TNS1: variants seen among roughly 807,000 people sequenced by gnomAD.
The protein encoded by TNS1 is tensin-1.
A neutral mutation model predicts 168.6 loss-of-function variants in TNS1; 62 were observed. That is an observed-to-expected ratio of 0.37 (90% CI 0.30 to 0.45). TNS1 has a LOEUF of 0.45. Ranked by LOEUF, TNS1 falls within the 20% of genes least tolerant of loss-of-function variation. The probability of loss-of-function intolerance (pLI) is 1.00; values close to 1 mark genes in which losing one functional copy is unlikely to be tolerated. For synonymous variants in TNS1, 934 were observed against 933.2 expected (o/e 1.00, Z -0.02); for missense variants, 2,240 against 2,339.4 (o/e 0.96, Z 0.88).
chr2:217,956,613 G>A (rs1452466865), intron 3 of TNS1, among the ~76,000 whole-genome samples: 1 of 152,002 alleles, frequency 6.6e-6, no homozygotes, highest in African/African-American at 2.4e-5. Flanking sequence ...AATGTTCTAG[G>A]GCTGCAGTTC....
intron 1 of TNS1, among the ~76,000 whole-genome samples, chr2:218,031,286 AGT>A (rs1315760220): frequency 5.0e-5 from 3 of 59,640 alleles, no homozygotes; most frequent in East Asian, 5.3e-4. Context: ...AGCGTGTATG[AGT>A]GTGTGAGTGT....
intron 32 of TNS1, among the ~76,000 whole-genome samples, chr2:217,807,535 G>A (rs1005514584): frequency 1.3e-5 from 2 of 152,108 alleles, no homozygotes; most frequent in African/African-American, 4.8e-5. Context: ...CTGAGGGCAG[G>A]GTCAGAGACC....
intron 6 of TNS1, chr2:217,905,228 C>T (rs1953512458): frequency 2.9e-5 from 8 of 278,800 alleles, no homozygotes; most frequent in South Asian, 2.4e-4. Flanking sequence ...GTCCCAGAAA[C>T]ATCACAAAGC....
At chr2:217,865,516 C>T (rs1190047610) in intron 18 of TNS1, among the ~76,000 whole-genome samples, 2 of 152,186 alleles carry the variant, frequency 1.3e-5, no homozygotes, top group East Asian at 1.9e-4. Flanking sequence ...ATCTCACTGC[C>T]CCTGGAGAAG....
intron 3 of TNS1, among the ~76,000 whole-genome samples, chr2:217,930,765 G>A (rs2125902115): frequency 6.6e-6 from 1 of 152,332 alleles, no homozygotes; most frequent in South Asian, 2.1e-4. Context: ...CGCCATGCTA[G>A]AAGAGGAGGT....
At chr2:217,927,644 G>A (rs1956101544) in intron 3 of TNS1, among the ~76,000 whole-genome samples, 1 of 152,158 alleles carries the variant, frequency 6.6e-6, no homozygotes, top group Non-Finnish European at 1.5e-5. Flanking sequence ...GAGGCCATCA[G>A]GCACCCTGAA....
rs1357744492 is a variant in TNS1 at position 217,814,878 on chromosome 2, T to C, written c.4729+34A>G. 6 of 1,578,004 alleles carry C rather than the reference T, an allele frequency of 3.8e-6. No individual in the cohort carries two copies. The South Asian group carries it at 5.6e-5, about 15-fold the overall frequency. ...AGACACAGCAGGCCTCAGCCAGCTA[T>C]GGCCTCTGATGCACCACAGAGCCCA... On this transcript the variant is annotated intron_variant, in intron 25 of 32. Transcript: ENST00000682258.
intron 11 of TNS1, among the ~76,000 whole-genome samples, chr2:217,892,393 C>A (rs1177512459): frequency 2.6e-5 from 4 of 152,254 alleles, no homozygotes; most frequent in African/African-American, 4.8e-5. Context: ...TGAGCCACTG[C>A]GCCCAGCCAT....
chr2:217,893,642 G>C lies in TNS1; in HGVS notation c.595-81C>G, dbSNP rs560211089. The C allele has an allele frequency of 4.5e-5, 68 of 1,510,028 alleles. No homozygotes were observed. The African/African-American group carries it at 7.3e-4, about 16-fold the overall frequency. The allele number at this position is 1,510,028 out of a possible 1,614,324, so 93.5% of individuals were successfully genotyped here. ...CCAGCGGGAGCCACCTACGCCACGT[G>C]CCAGTACCTGGGCAGTGGCCCGCAG... On this transcript the variant is annotated intron_variant, in intron 9 of 32. Coordinates refer to ENST00000682258, the MANE Select transcript of TNS1 (RefSeq NM_001387777.1).
At chr2:217,838,095 T>C (rs2125341813) in intron 19 of TNS1, among the ~76,000 whole-genome samples, 1 of 152,336 alleles carries the variant, frequency 6.6e-6, no homozygotes, top group East Asian at 1.9e-4. Flanking sequence ...TGGAACTCAG[T>C]TCAGCCCCAA....
intron 3 of TNS1, among the ~76,000 whole-genome samples, chr2:217,932,069 C>T (rs979221858): frequency 8.5e-5 from 13 of 152,200 alleles, no homozygotes; most frequent in Admixed American, 3.9e-4. Context: ...GTTCCCTGGA[C>T]GTCCCCAGAG....
chr2:217,896,799 T>C (rs758434814), intron 8 of TNS1, among the ~76,000 whole-genome samples: 5 of 152,246 alleles, frequency 3.3e-5, no homozygotes, highest in Non-Finnish European at 7.3e-5. Context: ...ATAACTTGCA[T>C]ATAAAAAATG....
intron 18 of TNS1, among the ~76,000 whole-genome samples, chr2:217,861,419 T>C (rs1948775137): frequency 6.6e-6 from 1 of 152,196 alleles, no homozygotes; most frequent in African/African-American, 2.4e-5. Flanking sequence ...TTTATCACTT[T>C]GAAGCAAGGG....
chr2:217,828,798 G>A (rs567757846), intron 22 of TNS1, among the ~76,000 whole-genome samples: 4 of 152,288 alleles, frequency 2.6e-5, no homozygotes, highest in South Asian at 2.1e-4. Flanking sequence ...TTGTATACAC[G>A]GTGAGTCCAT....
At chr2:217,959,532 T>C in intron 3 of TNS1, among the ~76,000 whole-genome samples, 1 of 145,862 alleles carries the variant, frequency 6.9e-6, no homozygotes, top group Middle Eastern at 3.7e-3. Flanking sequence ...TGGAATCTTA[T>C]CATGGAACCT....
chr2:217,814,771 G>A (rs1462329526), intron 25 of TNS1, 141 bp downstream of exon 25: 1 of 643,850 alleles, frequency 1.6e-6, no homozygotes, highest in South Asian at 1.9e-5. Flanking sequence ...GCTTCCTACT[G>A]TCCAGCTTCA....
At chr2:217,806,077 G>A (rs777046640) in intron 32 of TNS1, among the ~76,000 whole-genome samples, 68 of 152,212 alleles carry the variant, frequency 4.5e-4, no homozygotes, top group Non-Finnish European at 8.5e-4. Flanking sequence ...GCAGGGGTGG[G>A]GGTGATCCTG....
At chr2:217,942,574 T>C (rs2125944494) in intron 3 of TNS1, among the ~76,000 whole-genome samples, 1 of 152,200 alleles carries the variant, frequency 6.6e-6, no homozygotes, top group African/African-American at 2.4e-5. Context: ...AGGTGCAACT[T>C]GAGGTCACAT....
chr2:217,867,101 G>A (rs1483491112), intron 18 of TNS1, among the ~76,000 whole-genome samples: 1 of 152,188 alleles, frequency 6.6e-6, no homozygotes, highest in Non-Finnish European at 1.5e-5. Flanking sequence ...AGAGAACTCA[G>A]GTCACAGGAG....
Sources: allele counts gnomAD v4.1 joint callset (sites outside exome capture counted in the v4.1 genomes callset), GRCh38; gene constraint gnomAD v4.1.1; transcripts MANE v1.5; gene names NCBI Gene and HGNC (gene_info 2026-07-23, HGNC 2026-07-21).